PCGF3: variants seen among roughly 807,000 people sequenced by gnomAD.
PCGF3 encodes the protein polycomb group RING finger protein 3.
A neutral mutation model predicts 33.1 loss-of-function variants in PCGF3; 7 were observed. The observed-to-expected ratio is 0.21, with a 90% confidence interval of 0.12 to 0.40. The LOEUF (loss-of-function observed/expected upper bound fraction) is 0.40, where lower values mean the gene tolerates loss of function less well. PCGF3 is among the 10% of genes least tolerant of loss of function. The pLI is 1.00. For missense variants in PCGF3, 211 were observed against 313.3 expected, an observed-to-expected ratio of 0.67 and a Z score of 2.46; for synonymous variants, 153 against 121.3, an observed-to-expected ratio of 1.26 and a Z score of -1.72.
intron 8 of PCGF3, among the ~76,000 whole-genome samples, chr4:760,883 C>G (rs568311041): frequency 6.6e-6 from 1 of 152,256 alleles, no homozygotes; most frequent in South Asian, 2.1e-4. Context: ...CTACTGTCTT[C>G]CTGCAGTCGC....
In PCGF3 at chr4:761,000, G is replaced by A. The variant is rs145413705; in HGVS notation, c.463-279G>A. On this transcript the variant is annotated intron_variant, in intron 8 of 10. Transcript: ENST00000362003. ...AGACCAAGAACCCAGTGCCTGCGAT[G>A]GATAAGTAACTGTGGGATTAACTCT... Among the ~76,000 whole-genome samples, 210 of 152,332 alleles carry A rather than the reference G, an allele frequency of 1.4e-3. 1 individual carries two copies. Among genetic ancestry groups the A allele is most frequent in the African/African-American group, 4.9e-3 (205 of 41,582 alleles).
At chr4:708,380 G>A (rs73219293) in intron 1 of PCGF3, among the ~76,000 whole-genome samples, 32,278 of 152,038 alleles carry the variant, frequency 0.21, 3,853 homozygotes, top group Middle Eastern at 0.28. Flanking sequence ...TGGGACCCTC[G>A]GGGGGGAATC....
chr4:734,866 C>T (rs2109617518), intron 4 of PCGF3, 65 bp from the exon 5 acceptor site: 1 of 1,565,324 alleles, frequency 6.4e-7, no homozygotes, highest in Non-Finnish European at 8.7e-7. Flanking sequence ...TTCAGTGGAG[C>T]ACGCCGATGG....
intron 1 of PCGF3, among the ~76,000 whole-genome samples, chr4:707,993 A>G (rs1382520750): frequency 7.8e-6 from 1 of 127,614 alleles, no homozygotes. Flanking sequence ...GGGGGTCGGG[A>G]CCCTGGGACA....
rs1743536589 is a variant in PCGF3, at chr4:731,123, C to T, written c.-10+13C>T. 1 of 398,412 alleles carries T rather than the reference C, an allele frequency of 2.5e-6. No homozygotes were observed. Among genetic ancestry groups the T allele is most frequent in the African/African-American group, 2.1e-5 (1 of 48,636 alleles). The allele number at this position is 398,412 out of a possible 1,614,324, so 24.7% of individuals were successfully genotyped here. ...ACGTCTAGCGGAGGTGAGGCCCACG[C>T]CCCCCGACCCCGGGGGTCCTGCTGA... On this transcript the variant is annotated intron_variant, in intron 3 of 10. Coordinates refer to ENST00000362003, the Ensembl canonical transcript of PCGF3.
At position 723,067 on chromosome 4, in the gene PCGF3, C is replaced by T. The variant is rs1452025079; in HGVS notation, c.-189-7563C>T. On this transcript the variant is annotated intron_variant, in intron 1 of 10. Coordinates refer to ENST00000362003, the Ensembl canonical transcript of PCGF3. Reference sequence around the variant, plus strand: ...ACGTCATCGCCATCCACGCCGGGTCCACACTCGCGTCATCGCCCACCCGCG... The same window carrying T: ...ACGTCATCGCCATCCACGCCGGGTCTACACTCGCGTCATCGCCCACCCGCG... Among the ~76,000 whole-genome samples, 6 of 148,702 alleles carry T rather than the reference C, an allele frequency of 4.0e-5. No individual in the cohort carries two copies. In the East Asian group the frequency reaches 1.2e-3, roughly 30 times the overall value.
intron 1 of PCGF3, among the ~76,000 whole-genome samples, chr4:719,632 G>A (rs1407888035): frequency 1.3e-5 from 2 of 152,284 alleles, no homozygotes; most frequent in Admixed American, 1.3e-4. Flanking sequence ...GTGGAGAAGG[G>A]ATGGTGTGTG....
chr4:723,104 C>G, intron 1 of PCGF3, among the ~76,000 whole-genome samples: 1 of 150,348 alleles, frequency 6.7e-6, no homozygotes, highest in Admixed American at 6.6e-5. Context: ...CGGGTCCACA[C>G]TCGCGTCATC....
chr4:730,726 C>A (rs1443554027), intron 2 of PCGF3, 58 bp downstream of exon 2: 2 of 301,792 alleles, frequency 6.6e-6, no homozygotes, highest in African/African-American at 4.3e-5. Flanking sequence ...TGCCGGACTC[C>A]GCCGGGACCA....
intron 8 of PCGF3, among the ~76,000 whole-genome samples, chr4:751,767 G>C (rs1039341625): frequency 6.6e-6 from 1 of 152,214 alleles, no homozygotes; most frequent in Admixed American, 6.5e-5. Flanking sequence ...CCCACCCCTG[G>C]CTGGGCTCCA....
At chr4:735,079 G>A (rs904907274) in intron 5 of PCGF3, 52 bp downstream of exon 5, 89 of 1,565,920 alleles carry the variant, frequency 5.7e-5, no homozygotes, top group East Asian at 9.2e-5. Context: ...GCCCCTGGGC[G>A]TCTCTGTGTG....
chr4:734,927 A>G lies in PCGF3; in HGVS notation c.110-4A>G. On this transcript the variant is annotated splice_polypyrimidine_tract_variant and splice_region_variant and intron_variant, in intron 4 of 10. Coordinates refer to ENST00000362003, the Ensembl canonical transcript of PCGF3. ...CTCCTAACACACCTGTGCTTTGATG[A>G]CAGTCTGCAGGAGCTGCCTGGTGAA... 2.5e-6 allele frequency: 4 copies of G among 1,612,902 alleles called. No individual in the cohort carries two copies. Among genetic ancestry groups the G allele is most frequent in the Middle Eastern group, 1.7e-4 (1 of 6,022 alleles).
chr4:755,108 CTG>C (rs1312443184), intron 8 of PCGF3, among the ~76,000 whole-genome samples: 1 of 152,244 alleles, frequency 6.6e-6, no homozygotes, highest in Non-Finnish European at 1.5e-5. Flanking sequence ...ATGGTGACTG[CTG>C]TGTGCACACA....
At chr4:761,509 T>A (rs1305584213) in intron 9 of PCGF3, 93 bp downstream of exon 9, 11 of 1,450,878 alleles carry the variant, frequency 7.6e-6, no homozygotes, top group Non-Finnish European at 1.0e-5. Context: ...GTTTTGTTTT[T>A]AACAATTTTG....
chr4:766,183 T>TGAATAGA lies in PCGF3; in HGVS notation c.*110_*116dup, dbSNP rs538558817. 22 of 840,342 alleles carry TGAATAGA rather than the reference T, an allele frequency of 2.6e-5. No homozygotes were observed. The Admixed American group carries it at 5.0e-4, about 19-fold the overall frequency. 52.1% of individuals were successfully genotyped at this position (840,342 alleles called of 1,614,324 possible). A position where few individuals can be genotyped will look rare whatever the true frequency, so the allele number is the denominator to read the frequency against. ...CTGGGTGTCATGTGGACCAGACTTC[T>TGAATAGA]GAATAGAGAATATTTATAACTTTTG... On this transcript the variant is annotated 3_prime_UTR_variant, in exon 11 of 11. Transcript: ENST00000362003.
chr4:718,294 G>A (rs1197428598), intron 1 of PCGF3, among the ~76,000 whole-genome samples: 5 of 152,090 alleles, frequency 3.3e-5, no homozygotes, highest in African/African-American at 1.2e-4. Context: ...GGGCCGGACT[G>A]CTGAAGCGCC....
At chr4:750,443 T>A (rs1744461862) in intron 8 of PCGF3, among the ~76,000 whole-genome samples, 1 of 152,162 alleles carries the variant, frequency 6.6e-6, no homozygotes. Flanking sequence ...TGCTGGTTGG[T>A]GTGGTGGGTA....
chr4:743,257 A>G (rs543979660), intron 6 of PCGF3, among the ~76,000 whole-genome samples: 12 of 152,214 alleles, frequency 7.9e-5, no homozygotes, highest in South Asian at 2.1e-4. Flanking sequence ...CTGCGACTCA[A>G]CGTCCCACGT....
At chr4:728,100 G>C (rs1001636551) in intron 1 of PCGF3, among the ~76,000 whole-genome samples, 1 of 152,112 alleles carries the variant, frequency 6.6e-6, no homozygotes, top group Non-Finnish European at 1.5e-5. Context: ...ATTTTATTAG[G>C]GTCAAGTTCA....
Sources: gnomAD v4.1 joint callset for allele counts (sites outside exome capture counted in the v4.1 genomes callset) on GRCh38, gnomAD v4.1.1 for gene constraint, MANE v1.5 for transcripts, NCBI Gene and HGNC (gene_info 2026-07-23, HGNC 2026-07-21) for gene names.